Variants in APBB2 observed in about 807,000 individuals in gnomAD.
APBB2 encodes the protein amyloid beta precursor protein binding family B member 2.
APBB2 carries 38 observed loss-of-function variants against 82.5 expected under a neutral mutation model. That is an observed-to-expected ratio of 0.46 (90% CI 0.36 to 0.60). The LOEUF is 0.60. APBB2 is among the 20% of genes least tolerant of loss of function. APBB2 has a pLI of 0.00. For missense variants in APBB2, 772 were observed against 972.3 expected (o/e 0.79, Z 2.74); for synonymous variants, 341 against 368.2 (o/e 0.93, Z 0.85).
At position 41,048,680 on chromosome 4, in the gene APBB2, G is replaced by GTCTCCC. The variant is rs1278439957; in HGVS notation, c.-50-15382_-50-15377dup. ...CCCTCTCCCTCCCGTCTCCCCTACG[G>GTCTCCC]TCTCCCTCTCCCTCTCCTTCCACGG... On this transcript the variant is annotated intron_variant, in intron 4 of 17. Transcript: ENST00000508593. 1.0e-4 allele frequency among the ~76,000 whole-genome samples: 12 copies of GTCTCCC among 116,272 alleles called. No individual in the cohort carries two copies. The Admixed American group carries it at 1.3e-3, about 12-fold the overall frequency. The allele number at this position is 116,272 out of a possible 152,430, so 76.3% of individuals were successfully genotyped here.
chr4:40,887,331 C>T (rs1024444467), intron 12 of APBB2, among the ~76,000 whole-genome samples: 2 of 152,130 alleles, frequency 1.3e-5, no homozygotes, highest in Non-Finnish European at 2.9e-5. Flanking sequence ...GATTTTGCGC[C>T]CTTCATGTCT....
intron 12 of APBB2, among the ~76,000 whole-genome samples, chr4:40,843,517 A>T (rs1417618907): frequency 6.6e-6 from 1 of 152,262 alleles, no homozygotes; most frequent in Non-Finnish European, 1.5e-5. Flanking sequence ...ACAGTAAAAA[A>T]CTTGGAATAT....
intron 8 of APBB2, 92 bp downstream of exon 8, chr4:40,934,985 T>A (rs925235868): frequency 1.8e-5 from 19 of 1,065,702 alleles, no homozygotes; most frequent in African/African-American, 4.8e-5. Context: ...CCCTGCAGAA[T>A]GCATGATATT....
At chr4:41,016,636 A>G (rs978272368) in intron 5 of APBB2, among the ~76,000 whole-genome samples, 2 of 151,884 alleles carry the variant, frequency 1.3e-5, no homozygotes, top group Non-Finnish European at 2.9e-5. Context: ...GGGCAACAAG[A>G]GCAAAACTCT....
chr4:40,997,737 T>A (rs1465511262), intron 6 of APBB2, among the ~76,000 whole-genome samples: 2 of 152,230 alleles, frequency 1.3e-5, no homozygotes, highest in Non-Finnish European at 2.9e-5. Flanking sequence ...ATTGCTGGCA[T>A]CTCAGCATGA....
intron 3 of APBB2, among the ~76,000 whole-genome samples, chr4:41,100,273 C>T (rs1744906202): frequency 6.6e-6 from 1 of 152,204 alleles, no homozygotes; most frequent in South Asian, 2.1e-4. Context: ...TCCAAAATAT[C>T]TAAAAGTCTA....
Position 41,014,045 on chromosome 4 carries a change from T to C in APBB2, c.373A>G (p.Thr125Ala), listed in dbSNP as rs752171463. Residue 125 changes from threonine (T) to alanine (A), a missense_variant, in exon 6 of 18, where the codon ACT (threonine) becomes GCT (alanine). By Grantham distance (58) the Thr-to-Ala change is moderately conservative (BLOSUM62 0). Coordinates refer to ENST00000508593, the MANE Select transcript of APBB2 (RefSeq NM_004307.2). ...TCAGAAGTTATGTTGATGACTGCAG[T>C]GGGGCTCAGGTTTTTGTTGGGGTCC... ...QQDPNKNLSPTAVINITSEKL... is the reference protein window; with the variant it reads ...QQDPNKNLSPAAVINITSEKL... The C allele has an allele frequency of 1.7e-5, 28 of 1,614,046 alleles. No individual in the cohort carries two copies. The Admixed American group carries it at 4.0e-4, about 23-fold the overall frequency.
At chr4:40,930,420 AGTGTGTGTGTGTGTGTGT>A (rs566261600) in intron 10 of APBB2, among the ~76,000 whole-genome samples, 1 of 145,796 alleles carries the variant, frequency 6.9e-6, no homozygotes, top group African/African-American at 2.6e-5. Flanking sequence ...TCTTTGGGGA[AGTGTGTGTGTGTGTGTGT>A]GTGTGTGTGT....
chr4:41,185,411 T>A (rs2154066827), intron 1 of APBB2, among the ~76,000 whole-genome samples: 1 of 152,284 alleles, frequency 6.6e-6, no homozygotes, highest in African/African-American at 2.4e-5. Context: ...AACCACAAGA[T>A]CTACCATAAA....
At chr4:40,895,366 C>T (rs1403623077) in intron 10 of APBB2, among the ~76,000 whole-genome samples, 1 of 152,254 alleles carries the variant, frequency 6.6e-6, no homozygotes, top group Admixed American at 6.5e-5. Context: ...ACAGAAGCTA[C>T]TCAGGAGTCT....
intron 12 of APBB2, among the ~76,000 whole-genome samples, chr4:40,855,501 G>C (rs1400691868): frequency 3.3e-5 from 5 of 152,114 alleles, no homozygotes. Context: ...TGGGAGAACC[G>C]AGGCAGGTGG....
chr4:40,847,417 G>A (rs12502696), intron 12 of APBB2, among the ~76,000 whole-genome samples: 41 of 152,312 alleles, frequency 2.7e-4, no homozygotes, highest in Admixed American at 9.2e-4. Flanking sequence ...AGCTGAGATC[G>A]TGCCTCTGCA....
chr4:41,002,082 C>G (rs1805404047), intron 6 of APBB2, among the ~76,000 whole-genome samples: 1 of 152,032 alleles, frequency 6.6e-6, no homozygotes, highest in Admixed American at 6.6e-5. Context: ...GAATATGAAG[C>G]TTTTATCTCA....
chr4:40,816,228 G>A lies in APBB2; in HGVS notation c.2144C>T (p.Pro715Leu), dbSNP rs766487790. Reference protein sequence around the residue: ...LRYQKCLVARPPSQKVRPPPP... With the variant: ...LRYQKCLVARLPSQKVRPPPP... ...AGGTGGTCGAACTTTCTGAGAAGGC[G>A]GCCTGGCTACCAAGCACTTCTGATA... is the stretch of plus-strand genomic sequence containing the variant. The change falls in exon 18 of 18, where the codon CCG (proline) becomes CTG (leucine). Residue 715 changes from proline to leucine, a missense_variant. Pro to Leu is a moderately conservative substitution (Grantham distance 98). Transcript: ENST00000508593. 5 of 1,614,124 alleles carry A rather than the reference G, an allele frequency of 3.1e-6. No homozygotes were observed. The highest frequency in any genetic ancestry group is 1.7e-5 in the Admixed American group (1 of 60,012).
chr4:40,839,963 C>G (rs190552796), intron 12 of APBB2, among the ~76,000 whole-genome samples: 1 of 152,168 alleles, frequency 6.6e-6, no homozygotes, highest in African/African-American at 2.4e-5. Context: ...TTGCGCCTGG[C>G]CCCACGAGGG....
intron 1 of APBB2, among the ~76,000 whole-genome samples, chr4:41,163,324 C>A (rs1765662857): frequency 6.6e-6 from 1 of 152,178 alleles, no homozygotes; most frequent in South Asian, 2.1e-4. Flanking sequence ...GATCTGTATT[C>A]TAAAGCATTA....
At chr4:40,936,273 A>G (rs1785349343) in intron 7 of APBB2, among the ~76,000 whole-genome samples, 1 of 152,212 alleles carries the variant, frequency 6.6e-6, no homozygotes, top group South Asian at 2.1e-4. Context: ...TTTTTTTGAG[A>G]CAGGGTCTCA....
chr4:40,975,784 ACACAC>A (rs1797024932), intron 6 of APBB2, among the ~76,000 whole-genome samples: 1 of 151,174 alleles, frequency 6.6e-6, no homozygotes, highest in Non-Finnish European at 1.5e-5. Flanking sequence ...ACACACACAC[ACACAC>A]AACAACCACT....
Position 41,033,276 on chromosome 4 carries a change from G to T in APBB2, c.-22C>A. On this transcript the variant is annotated 5_prime_UTR_variant, in exon 5 of 18. Transcript: ENST00000508593. Reference sequence around the variant, plus strand: ...ACATGGATCACCAGGCGTCAGCAATGGTGCAGGAAATAGGTTATAATTTGA... The same window carrying T: ...ACATGGATCACCAGGCGTCAGCAATTGTGCAGGAAATAGGTTATAATTTGA... 1 of 1,599,164 alleles carries T rather than the reference G, an allele frequency of 6.3e-7. No homozygotes were observed. Among genetic ancestry groups the T allele is most frequent in the South Asian group, 1.1e-5 (1 of 88,128 alleles).
Sources: allele counts gnomAD v4.1 joint callset (sites outside exome capture counted in the v4.1 genomes callset), GRCh38; gene constraint gnomAD v4.1.1; transcripts MANE v1.5; gene names NCBI Gene and HGNC (gene_info 2026-07-23, HGNC 2026-07-21).